Variants in GRM5 observed in about 807,000 individuals in gnomAD.
GRM5 encodes the protein glutamate metabotropic receptor 5.
A neutral mutation model predicts 83.1 loss-of-function variants in GRM5; 19 were observed. That is an observed-to-expected ratio of 0.23 (90% CI 0.16 to 0.34). GRM5 has a LOEUF of 0.34. Among genes scored for constraint, GRM5 ranks in the 10% least tolerant of loss-of-function variants. The probability of loss-of-function intolerance (pLI) is 1.00; values close to 1 mark genes in which losing one functional copy is unlikely to be tolerated. For synonymous variants in GRM5, 675 were observed against 633.6 expected (o/e 1.07, Z -0.98); for missense variants, 1,160 against 1,588.3 (o/e 0.73, Z 4.58).
intron 4 of GRM5, among the ~76,000 whole-genome samples, chr11:88,640,877 C>G (rs1339513247): frequency 1.3e-5 from 2 of 152,162 alleles, no homozygotes; most frequent in East Asian, 1.9e-4. Flanking sequence ...TGAACCCTCT[C>G]TCTTTGTAAT....
intron 2 of GRM5, among the ~76,000 whole-genome samples, chr11:88,984,191 A>C (rs1302917113): frequency 6.6e-6 from 1 of 152,154 alleles, no homozygotes; most frequent in Non-Finnish European, 1.5e-5. Flanking sequence ...CTTCACATTC[A>C]CTTGCCACTC....
At chr11:88,928,323 C>T (rs1195072451) in intron 2 of GRM5, among the ~76,000 whole-genome samples, 2 of 151,984 alleles carry the variant, frequency 1.3e-5, no homozygotes, top group East Asian at 3.9e-4. Context: ...TTACTGTGGG[C>T]CCCAGTTACT....
In GRM5 at chr11:88,509,094, G is replaced by C; in HGVS notation, c.3137C>G (p.Pro1046Arg). The C allele has an allele frequency of 6.5e-7, 1 of 1,548,874 alleles. No homozygotes were observed. Residue 1046 changes from proline to arginine, a missense_variant, in exon 10 of 10, where the codon CCT becomes CGT. Pro to Arg is a moderately radical substitution (Grantham distance 103). Coordinates refer to ENST00000305447, the MANE Select transcript of GRM5 (RefSeq NM_001143831.3). ...DDDVPSLHSE[P>R]VARSSSSQGS... ...CTGCGAGGAGCTGCTGCGCGCCACA[G>C]GCTCCGAGTGCAGCGACGGCACATC...
chr11:88,993,644 C>CTA (rs2135053645), intron 2 of GRM5, among the ~76,000 whole-genome samples: 1 of 152,240 alleles, frequency 6.6e-6, no homozygotes, highest in African/African-American at 2.4e-5. Context: ...ATAGAAAACC[C>CTA]TAAAGACCCC....
intron 2 of GRM5, among the ~76,000 whole-genome samples, chr11:89,016,596 G>T (rs533847902): frequency 6.6e-6 from 1 of 152,114 alleles, no homozygotes. Flanking sequence ...TCTCCTGTTT[G>T]AGAAAGGATG....
chr11:89,028,272 G>GTT (rs371567840), intron 2 of GRM5, among the ~76,000 whole-genome samples: 1 of 152,014 alleles, frequency 6.6e-6, no homozygotes, highest in African/African-American at 2.4e-5. Flanking sequence ...TTTATTACCT[G>GTT]TTTTTTTAAC....
At chr11:88,664,698 C>G (rs751465653) in intron 3 of GRM5, among the ~76,000 whole-genome samples, 6 of 152,038 alleles carry the variant, frequency 3.9e-5, no homozygotes, top group Non-Finnish European at 7.4e-5. Context: ...CCACCTGCCT[C>G]GGCCTCCCAA....
chr11:88,540,675 A>T lies in GRM5; in HGVS notation c.2631-15271T>A, dbSNP rs115245539. On this transcript the variant is annotated intron_variant, in intron 8 of 9. Transcript: ENST00000305447. Reference sequence around the variant, plus strand: ...AGGAGGGAACTCAAATCACAAGTCTATGACTAGAGATTACCTTTCCACTGC... The same window carrying T: ...AGGAGGGAACTCAAATCACAAGTCTTTGACTAGAGATTACCTTTCCACTGC... 6.4e-3 allele frequency among the ~76,000 whole-genome samples: 974 copies of T among 152,266 alleles called. 14 individuals carry two copies. The highest frequency in any genetic ancestry group is 0.022 in the African/African-American group (934 of 41,552).
chr11:88,757,534 C>T (rs572005865), intron 3 of GRM5, among the ~76,000 whole-genome samples: 1 of 152,228 alleles, frequency 6.6e-6, no homozygotes, highest in African/African-American at 2.4e-5. Context: ...CTCTGAGCAG[C>T]CACAGAGAGA....
intron 3 of GRM5, among the ~76,000 whole-genome samples, chr11:88,699,699 A>G (rs1246384950): frequency 2.0e-5 from 3 of 152,242 alleles, no homozygotes; most frequent in Non-Finnish European, 4.4e-5. Context: ...AATGTGATAC[A>G]TGTGGATCAA....
At chr11:88,667,262 T>C (rs926904465) in intron 3 of GRM5, among the ~76,000 whole-genome samples, 10 of 151,980 alleles carry the variant, frequency 6.6e-5, no homozygotes, top group Non-Finnish European at 1.5e-4. Context: ...GATGAAAACA[T>C]CTAAGTCAGA....
chr11:88,991,303 A>G (rs570223764), intron 2 of GRM5, among the ~76,000 whole-genome samples: 26 of 152,220 alleles, frequency 1.7e-4, no homozygotes, highest in Admixed American at 1.6e-3. Context: ...TCCAACTTAC[A>G]AGGGATGTGA....
At chr11:88,545,416 T>C (rs1209254424) in intron 8 of GRM5, among the ~76,000 whole-genome samples, 2 of 152,094 alleles carry the variant, frequency 1.3e-5, no homozygotes, top group Admixed American at 6.6e-5. Context: ...CAATCCAAAT[T>C]ATTTCTAATT....
At chr11:88,754,904 G>T (rs1942364703) in intron 3 of GRM5, among the ~76,000 whole-genome samples, 1 of 152,040 alleles carries the variant, frequency 6.6e-6, no homozygotes, top group African/African-American at 2.4e-5. Flanking sequence ...TGCTCCTAAA[G>T]ACTTCAGCTT....
chr11:88,747,771 A>G (rs909819198), intron 3 of GRM5, among the ~76,000 whole-genome samples: 2 of 151,792 alleles, frequency 1.3e-5, no homozygotes, highest in Non-Finnish European at 2.9e-5. Flanking sequence ...ATATAGAAAT[A>G]CCATTTTAAT....
intron 8 of GRM5, among the ~76,000 whole-genome samples, chr11:88,552,241 G>A (rs186268984): frequency 1.3e-5 from 2 of 151,872 alleles, no homozygotes; most frequent in African/African-American, 4.8e-5. Context: ...CATCCAGGCT[G>A]GTCTTGAACT....
chr11:88,938,724 T>C (rs1400161369), intron 2 of GRM5, among the ~76,000 whole-genome samples: 1 of 151,630 alleles, frequency 6.6e-6, no homozygotes, highest in Non-Finnish European at 1.5e-5. Flanking sequence ...CATAACAGGG[T>C]TCAAGTAAAA....
intron 1 of GRM5, among the ~76,000 whole-genome samples, chr11:89,052,537 C>T (rs1201848956): frequency 2.0e-5 from 3 of 152,112 alleles, no homozygotes; most frequent in Non-Finnish European, 4.4e-5. Context: ...ACATTCTATA[C>T]ACTGAAGATT....
At chr11:88,852,271 G>T (rs1303035318) in intron 2 of GRM5, among the ~76,000 whole-genome samples, 2 of 152,206 alleles carry the variant, frequency 1.3e-5, no homozygotes, top group East Asian at 1.9e-4. Context: ...ATAGTGGAGA[G>T]AACTTTGTTA....
Sources: allele counts gnomAD v4.1 joint callset (sites outside exome capture counted in the v4.1 genomes callset), GRCh38; gene constraint gnomAD v4.1.1; transcripts MANE v1.5; gene names NCBI Gene and HGNC (gene_info 2026-07-23, HGNC 2026-07-21).